Variants in LFNG observed in about 807,000 individuals in gnomAD.
LFNG encodes LFNG O-fucosylpeptide 3-beta-N-acetylglucosaminyltransferase.
A neutral mutation model predicts 32.7 loss-of-function variants in LFNG; 15 were observed. The ratio of observed to expected loss-of-function variants is 0.46; its 90% confidence interval spans 0.31 to 0.71. The LOEUF is 0.71. Among genes scored for constraint, LFNG ranks in the 30% least tolerant of loss-of-function variants. The pLI is 0.06. For synonymous variants in LFNG, 274 were observed against 246.8 expected (o/e 1.11, Z -1.03); for missense variants, 520 against 545.7 (o/e 0.95, Z 0.47).
upstream of LFNG, chr7:2,513,176 T>A: frequency 6.2e-7 from 1 of 1,613,806 alleles, no homozygotes. Flanking sequence ...GATCTGGGCA[T>A]GGAGCAAATG....
At chr7:2,519,758 A>C (rs1779728321), upstream of LFNG, 2 of 621,738 alleles carry the variant, frequency 3.2e-6, no homozygotes, top group Non-Finnish European at 4.0e-6. Context: ...AGAGCGCGGG[A>C]CACTGGTGCT....
chr7:2,526,957 G>A lies in LFNG; in HGVS notation c.1073+36G>A. 1 of 1,596,948 alleles carries A rather than the reference G, an allele frequency of 6.3e-7. No individual in the cohort carries two copies. The highest frequency in any genetic ancestry group is 2.2e-5 in the East Asian group (1 of 44,662). On this transcript the variant is annotated intron_variant, in intron 7 of 7. Coordinates refer to ENST00000222725, the MANE Select transcript of LFNG (RefSeq NM_001040167.2). The surrounding 1 kb of genome is among the most constrained non-coding windows in gnomAD (Gnocchi z 6.9). ...CCCGGCCCAGATGGGCTTGCGTAGG[G>A]TGGCCTAGGGGCGTCAGGGGGCCTC...
chr7:2,526,163 C>T lies in LFNG; in HGVS notation c.822-81C>T. 1 of 1,504,694 alleles carries T rather than the reference C, an allele frequency of 6.6e-7. No individual in the cohort carries two copies. Among genetic ancestry groups the T allele is most frequent in the Non-Finnish European group, 9.2e-7 (1 of 1,092,664 alleles). The allele number at this position is 1,504,694 out of a possible 1,614,324, so 93.2% of individuals were successfully genotyped here. A position where few individuals can be genotyped will look rare whatever the true frequency, so the allele number is the denominator to read the frequency against. ...GCTCCTCTCCCTGAGGAGTGCAGCG[C>T]CTTTGCCTGGTGGGGCCTCCCCAGC... is the stretch of plus-strand genomic sequence containing the variant. On this transcript the variant is annotated intron_variant, in intron 5 of 7. Coordinates refer to ENST00000222725, the MANE Select transcript of LFNG (RefSeq NM_001040167.2). This position sits in a 1 kb window ranked among gnomAD's most constrained non-coding sequence, Gnocchi z 6.9.
At chr7:2,524,041 C>T (rs991870305) in intron 1 of LFNG, among the ~76,000 whole-genome samples, 4 of 152,170 alleles carry the variant, frequency 2.6e-5, no homozygotes, top group African/African-American at 9.6e-5. Context: ...ATGGGCGGCG[C>T]GGCCACTCTG....
intron 1 of LFNG, among the ~76,000 whole-genome samples, chr7:2,523,242 G>A (rs1375854082): frequency 6.6e-6 from 1 of 152,236 alleles, no homozygotes; most frequent in South Asian, 2.1e-4. Context: ...GGGAGGCCAA[G>A]GGGCTGGGTG....
chr7:2,525,600 C>G, intron 4 of LFNG, 33 bp downstream of exon 4: 1 of 1,611,978 alleles, frequency 6.2e-7, no homozygotes, highest in Non-Finnish European at 8.5e-7. Flanking sequence ...CCCCCACGCC[C>G]ACGCGGAGCG....
At chr7:2,524,845 G>T in intron 2 of LFNG, 102 bp downstream of exon 2, 1 of 1,112,926 alleles carries the variant, frequency 9.0e-7, no homozygotes. Flanking sequence ...GGTCACCAAG[G>T]GCAGGACAGG....
upstream of LFNG, among the ~76,000 whole-genome samples, chr7:2,516,225 G>T (rs1438093958): frequency 1.3e-5 from 2 of 152,212 alleles, no homozygotes; most frequent in Non-Finnish European, 2.9e-5. Context: ...ACTGCTACTG[G>T]CCCAGAGGAA....
chr7:2,525,376 C>A, intron 3 of LFNG, 38 bp from the exon 4 acceptor site: 1 of 1,612,428 alleles, frequency 6.2e-7, no homozygotes, highest in Non-Finnish European at 8.5e-7. Context: ...GCGCCCGCCC[C>A]GGCATGCCCT....
At chr7:2,519,725 C>A, upstream of LFNG, 1 of 386,604 alleles carries the variant, frequency 2.6e-6, no homozygotes, top group Non-Finnish European at 3.6e-6. Flanking sequence ...CGCACGGGGG[C>A]GGGACCGGGG....
rs777288540 is a variant in LFNG at position 2,526,803 on chromosome 7, C to T, written c.988-33C>T. The T allele has an allele frequency of 6.2e-7, 1 of 1,600,912 alleles. No homozygotes were observed. Among genetic ancestry groups the T allele is most frequent in the Admixed American group, 1.7e-5 (1 of 59,860 alleles). On this transcript the variant is annotated intron_variant, in intron 6 of 7. Coordinates refer to ENST00000222725, the MANE Select transcript of LFNG (RefSeq NM_001040167.2). The surrounding 1 kb of genome is among the most constrained non-coding windows in gnomAD (Gnocchi z 6.9). ...GGGGCGGGGCCCAGGGATGTCGGGC[C>T]CCTCCCGGCATCACTCCGCCCGCTC...
At chr7:2,523,370 C>T (rs1033687228) in intron 1 of LFNG, among the ~76,000 whole-genome samples, 2 of 152,176 alleles carry the variant, frequency 1.3e-5, no homozygotes, top group African/African-American at 4.8e-5. Context: ...CCCTAGTGAG[C>T]ATGTGCCCAG....
In LFNG at chr7:2,527,757, A is replaced by C. The variant is rs996096993; in HGVS notation, c.*545A>C. 6 of 1,015,670 alleles carry C rather than the reference A, an allele frequency of 5.9e-6. No homozygotes were observed. The highest frequency in any genetic ancestry group is 9.5e-5 in the East Asian group (1 of 10,572). The allele number at this position is 1,015,670 out of a possible 1,614,324, so 62.9% of individuals were successfully genotyped here. A position where few individuals can be genotyped will look rare whatever the true frequency, so the allele number is the denominator to read the frequency against. On this transcript the variant is annotated 3_prime_UTR_variant, in exon 8 of 8. Coordinates refer to ENST00000222725, the MANE Select transcript of LFNG (RefSeq NM_001040167.2). This position sits in a 1 kb window ranked among gnomAD's most constrained non-coding sequence, Gnocchi z 4.4. Reference sequence around the variant, plus strand: ...CCTCCTGGCCTGGACGCTGTGGCTTAAGAGTAACAGCAGCCACCGCCCAGT... The same window carrying C: ...CCTCCTGGCCTGGACGCTGTGGCTTCAGAGTAACAGCAGCCACCGCCCAGT...
chr7:2,525,453 G>C lies in LFNG; in HGVS notation c.621G>C (p.Leu207=). 1 of 1,612,782 alleles carries C rather than the reference G, an allele frequency of 6.2e-7. No individual in the cohort carries two copies. Among genetic ancestry groups the C allele is most frequent in the Non-Finnish European group, 8.5e-7 (1 of 1,179,890 alleles). Residue 207 remains leucine (L), a synonymous_variant, in exon 4 of 8, where the codon CTG becomes CTC. Coordinates refer to ENST00000222725, the MANE Select transcript of LFNG (RefSeq NM_001040167.2). ...CHVDDDNYVN[L]RALLRLLASY... is the part of the protein sequence containing the mutation. Reference sequence around the variant, plus strand: ...TGGACGATGACAACTACGTCAACCTGCGGGCCCTGCTGCGGCTGCTGGCCA... The same window carrying C: ...TGGACGATGACAACTACGTCAACCTCCGGGCCCTGCTGCGGCTGCTGGCCA...
At chr7:2,524,023 G>A (rs1554290645) in intron 1 of LFNG, among the ~76,000 whole-genome samples, 1 of 152,184 alleles carries the variant, frequency 6.6e-6, no homozygotes, top group Non-Finnish European at 1.5e-5. Flanking sequence ...CAGGCCAGCT[G>A]TATGGTAATG....
At chr7:2,528,828 T>G, downstream of LFNG, 1 of 624,054 alleles carries the variant, frequency 1.6e-6, no homozygotes, top group Middle Eastern at 2.5e-4. Context: ...CCAACTTCAC[T>G]CCTGCCACGA....
rs570998734 is a variant in LFNG, at chr7:2,524,868, C to T, written c.481+125C>T. 13 of 909,176 alleles carry T rather than the reference C, an allele frequency of 1.4e-5. 1 individual carries two copies. Among genetic ancestry groups the T allele is most frequent in the South Asian group, 8.8e-5 (6 of 68,430 alleles). The allele number at this position is 909,176 out of a possible 1,614,324, so 56.3% of individuals were successfully genotyped here. A position where few individuals can be genotyped will look rare whatever the true frequency, so the allele number is the denominator to read the frequency against. ...AGGGCAGGACAGGGAGGGCAGTTTA[C>T]TCATGGGGTTTGCTCCATGCCCCGC... On this transcript the variant is annotated intron_variant, in intron 2 of 7. Coordinates refer to ENST00000222725, the MANE Select transcript of LFNG (RefSeq NM_001040167.2).
At chr7:2,521,939 G>C (rs992003140) in intron 1 of LFNG, among the ~76,000 whole-genome samples, 1 of 152,202 alleles carries the variant, frequency 6.6e-6, no homozygotes, top group African/African-American at 2.4e-5. Context: ...GTCCCTACTG[G>C]AGGGTCACCC....
In LFNG at chr7:2,525,397, C is replaced by A; in HGVS notation, c.582-17C>A. ...GCCCCGGCATGCCCTCCCCCGATGG[C>A]CCTGCCTTGTCCTCAGGTGGTTCTG... On this transcript the variant is annotated splice_polypyrimidine_tract_variant and intron_variant, in intron 3 of 7. Transcript: ENST00000222725. The A allele has an allele frequency of 6.2e-7, 1 of 1,612,740 alleles. No homozygotes were observed. The highest frequency in any genetic ancestry group is 8.5e-7 in the Non-Finnish European group (1 of 1,179,796).
Sources: gnomAD v4.1 joint callset for allele counts (sites outside exome capture counted in the v4.1 genomes callset) on GRCh38, gnomAD v4.1.1 for gene constraint, Gnocchi (gnomAD v3.1) non-coding constraint, MANE v1.5 for transcripts, NCBI Gene and HGNC (gene_info 2026-07-23, HGNC 2026-07-21) for gene names.